Variants in FMO3 observed in about 807,000 individuals in gnomAD.
FMO3 encodes the protein flavin-containing monooxygenase 3.
In FMO3, 40 loss-of-function variants were observed where a neutral mutation model predicts 39.4. That is an observed-to-expected ratio of 1.02 (90% CI 0.79 to 1.32). FMO3 has a LOEUF of 1.32. Among genes scored for constraint, FMO3 ranks in the 40% most tolerant of loss-of-function variants. The pLI, the probability that FMO3 is intolerant of heterozygous loss-of-function variation, is 0.00. For synonymous variants in FMO3, 219 were observed against 228.8 expected, an observed-to-expected ratio of 0.96 and a Z score of 0.39; for missense variants, 680 against 651.8, an observed-to-expected ratio of 1.04 and a Z score of -0.47.
chr1:171,095,338 G>A (rs1310008325), intron 2 of FMO3, among the ~76,000 whole-genome samples: 1 of 152,124 alleles, frequency 6.6e-6, no homozygotes, highest in African/African-American at 2.4e-5. Flanking sequence ...GGTTCTATTA[G>A]CAGACATGCA....
At chr1:171,108,836 C>A (rs1048493325) in intron 5 of FMO3, among the ~76,000 whole-genome samples, 2 of 152,082 alleles carry the variant, frequency 1.3e-5, no homozygotes, top group Non-Finnish European at 2.9e-5. Flanking sequence ...GTGATTCAGG[C>A]ACTAAATGCT....
chr1:171,116,368 A>G (rs1571228789), intron 8 of FMO3, 88 bp downstream of exon 8: 1 of 727,574 alleles, frequency 1.4e-6, no homozygotes, highest in Non-Finnish European at 2.4e-6. Context: ...ATCTTAAATT[A>G]TCCTGAATGA....
At chr1:171,096,585 T>A (rs1381804620) in intron 2 of FMO3, among the ~76,000 whole-genome samples, 1 of 122,200 alleles carries the variant, frequency 8.2e-6, no homozygotes, top group Non-Finnish European at 1.6e-5. Flanking sequence ...ACTTTATATA[T>A]TAAATACATA....
intron 7 of FMO3, among the ~76,000 whole-genome samples, chr1:171,114,948 T>C (rs1455196365): frequency 6.6e-6 from 1 of 152,202 alleles, no homozygotes; most frequent in Non-Finnish European, 1.5e-5. Context: ...CAGTCTGTAA[T>C]ACATAAGAAT....
chr1:171,106,680 G>C (rs571236562), intron 3 of FMO3, among the ~76,000 whole-genome samples: 1 of 152,220 alleles, frequency 6.6e-6, no homozygotes, highest in Admixed American at 6.5e-5. Flanking sequence ...CACAGTTATT[G>C]AAGATAATGT....
chr1:171,105,228 A>C (rs971090719), intron 3 of FMO3, among the ~76,000 whole-genome samples: 1 of 152,178 alleles, frequency 6.6e-6, no homozygotes, highest in African/African-American at 2.4e-5. Context: ...AGTTATTTCA[A>C]TATTTTAGAA....
In FMO3 at chr1:171,094,315, G is replaced by T. The variant is rs554861374; in HGVS notation, c.132+1525G>T. On this transcript the variant is annotated intron_variant, in intron 2 of 8. Transcript: ENST00000367755. ...TTTCCCCTTTGTAATGGTGTTATCT[G>T]TGCTTCTTTAAAATTGAGTTGCTTG... is the stretch of plus-strand genomic sequence containing the variant. Among the ~76,000 whole-genome samples the T allele has an allele frequency of 3.9e-5, 6 of 151,936 alleles. No homozygotes were observed. In the East Asian group the frequency reaches 9.7e-4, roughly 25 times the overall value.
rs1571213937 is a variant in FMO3 at position 171,103,729 on chromosome 1, C to T, written c.133-56C>T. ...GTAATTACTTGGAACCAGCCCTGAC[C>T]ATGATCAGTATACTCATTTACCAAT... On this transcript the variant is annotated intron_variant, in intron 2 of 8. Coordinates refer to ENST00000367755, the MANE Select transcript of FMO3 (RefSeq NM_001002294.3). 4 of 1,420,258 alleles carry T rather than the reference C, an allele frequency of 2.8e-6. No individual in the cohort carries two copies. The South Asian group carries it at 3.4e-5, about 12-fold the overall frequency. 88.0% of individuals were successfully genotyped at this position (1,420,258 alleles called of 1,614,324 possible).
chr1:171,108,016 CT>C, intron 4 of FMO3, 62 bp from the exon 5 acceptor site: 1 of 1,572,824 alleles, frequency 6.4e-7, no homozygotes, highest in Non-Finnish European at 8.7e-7. Flanking sequence ...AAGGTCGCTT[CT>C]GTTAAAGTCT....
chr1:171,116,615 T>A (rs909803114), intron 8 of FMO3, among the ~76,000 whole-genome samples: 36 of 152,180 alleles, frequency 2.4e-4, no homozygotes, highest in African/African-American at 8.7e-4. Context: ...AACACATGGA[T>A]GTGGACTTCC....
intron 2 of FMO3, among the ~76,000 whole-genome samples, chr1:171,102,665 C>T (rs1469071181): frequency 6.6e-6 from 1 of 152,158 alleles, no homozygotes; most frequent in Non-Finnish European, 1.5e-5. Flanking sequence ...GAGAGTGGGA[C>T]CTAATGCTCA....
At chr1:171,115,191 C>T (rs964226394) in intron 7 of FMO3, among the ~76,000 whole-genome samples, 2 of 152,048 alleles carry the variant, frequency 1.3e-5, no homozygotes, top group African/African-American at 4.8e-5. Context: ...TCTATGAGGA[C>T]AAGAGTTGTA....
At chr1:171,114,401 T>A in intron 7 of FMO3, 39 bp downstream of exon 7, 1 of 1,380,324 alleles carries the variant, frequency 7.2e-7, no homozygotes, top group South Asian at 1.2e-5. Context: ...CGAAGATGAA[T>A]GCCAGTGACA....
intron 2 of FMO3, among the ~76,000 whole-genome samples, chr1:171,096,260 T>A (rs1177789273): frequency 2.6e-5 from 2 of 76,016 alleles, no homozygotes; most frequent in African/African-American, 5.7e-5. Flanking sequence ...TTATATAATT[T>A]TATATATATA....
At chr1:171,113,933 T>G in intron 6 of FMO3, 74 bp from the exon 7 acceptor site, 1 of 1,089,192 alleles carries the variant, frequency 9.2e-7, no homozygotes, top group Non-Finnish European at 1.3e-6. Flanking sequence ...TCCTTCCTTA[T>G]CAATTTATAT....
rs369143287 is a variant in FMO3 at position 171,103,830 on chromosome 1, T to G, written c.178T>G (p.Ser60Ala). 44 of 1,613,836 alleles carry G rather than the reference T, an allele frequency of 2.7e-5. No homozygotes were observed. Among genetic ancestry groups the G allele is most frequent in the Middle Eastern group, 3.3e-4 (2 of 6,082 alleles). ...GRASIYKSVF[S>A]NSSKEMMCFP... ...GGCTAGCATTTACAAATCAGTCTTT[T>G]CCAACTCTTCCAAAGAGATGATGTG... is the stretch of plus-strand genomic sequence containing the variant. Residue 60 changes from serine (S) to alanine (A), a missense_variant, in exon 3 of 9, where the codon TCC (serine) becomes GCC (alanine). Ser to Ala is a moderately conservative substitution (Grantham distance 99, BLOSUM62 1). Coordinates refer to ENST00000367755, the MANE Select transcript of FMO3 (RefSeq NM_001002294.3).
At chr1:171,099,391 T>A (rs1447000844) in intron 2 of FMO3, among the ~76,000 whole-genome samples, 1 of 152,188 alleles carries the variant, frequency 6.6e-6, no homozygotes, top group Non-Finnish European at 1.5e-5. Flanking sequence ...GAGCCTACTG[T>A]ATGTTATTAA....
chr1:171,098,581 G>A (rs1439734076), intron 2 of FMO3, among the ~76,000 whole-genome samples: 1 of 151,988 alleles, frequency 6.6e-6, no homozygotes, highest in Non-Finnish European at 1.5e-5. Flanking sequence ...TCATGATTTG[G>A]CTCTTTGTTT....
At chr1:171,109,886 T>C (rs559619038) in intron 5 of FMO3, among the ~76,000 whole-genome samples, 18 of 152,200 alleles carry the variant, frequency 1.2e-4, no homozygotes, top group African/African-American at 3.9e-4. Context: ...ACAAATGCCT[T>C]GAAGTGATAT....
Sources: gnomAD v4.1 joint callset for allele counts (sites outside exome capture counted in the v4.1 genomes callset) on GRCh38, gnomAD v4.1.1 for gene constraint, MANE v1.5 for transcripts, NCBI Gene and HGNC (gene_info 2026-07-23, HGNC 2026-07-21) for gene names.